AFAP1L2: variants seen among roughly 807,000 people sequenced by gnomAD.
AFAP1L2 encodes the protein actin filament-associated protein 1-like 2.
AFAP1L2 carries 46 observed loss-of-function variants against 99.3 expected under a neutral mutation model. That is an observed-to-expected ratio of 0.46 (90% CI 0.37 to 0.59). AFAP1L2 has a LOEUF of 0.59. Ranked by LOEUF, AFAP1L2 falls within the 20% of genes least tolerant of loss-of-function variation. AFAP1L2 has a pLI of 0.00. For missense variants in AFAP1L2, 959 were observed against 1,034.9 expected (o/e 0.93, Z 1.01); for synonymous variants, 397 against 419.1 (o/e 0.95, Z 0.64).
the AFAP1L2 span, chr10:114,289,215 C>T: frequency 1.9e-6 from 3 of 1,613,798 alleles, no homozygotes; most frequent in African/African-American, 1.3e-5. Flanking sequence ...CCCTGCTGCA[C>T]ATCTATGACA....
the AFAP1L2 span, chr10:114,288,813 G>A: frequency 1.9e-5 from 17 of 896,334 alleles, no homozygotes; most frequent in Non-Finnish European, 2.6e-5. Context: ...CATAGAGGGT[G>A]TATTCTGCAG....
chr10:114,345,805 A>T (rs2049466769), intron 1 of AFAP1L2, among the ~76,000 whole-genome samples: 1 of 152,208 alleles, frequency 6.6e-6, no homozygotes, highest in Non-Finnish European at 1.5e-5. Context: ...ATGAAGAGAA[A>T]GAGTGGACTG....
intron 2 of AFAP1L2, among the ~76,000 whole-genome samples, chr10:114,339,185 G>A (rs1411238982): frequency 1.3e-5 from 2 of 152,344 alleles, no homozygotes; most frequent in East Asian, 1.9e-4. Flanking sequence ...TAGGCCGGGC[G>A]CGGTGGCTCA....
intron 11 of AFAP1L2, among the ~76,000 whole-genome samples, chr10:114,302,877 T>A (rs929304675): frequency 2.0e-5 from 3 of 152,248 alleles, no homozygotes; most frequent in Non-Finnish European, 2.9e-5. Context: ...GACACTTGTA[T>A]TTTATGAACA....
chr10:114,380,114 G>A (rs1308604679), intron 1 of AFAP1L2, among the ~76,000 whole-genome samples: 3 of 152,178 alleles, frequency 2.0e-5, no homozygotes, highest in Non-Finnish European at 2.9e-5. Flanking sequence ...ATTTAGCACT[G>A]GGTGATGACC....
intron 18 of AFAP1L2, 56 bp downstream of exon 18, chr10:114,296,922 C>CCCTA (rs1564766752): frequency 3.1e-6 from 5 of 1,613,020 alleles, no homozygotes; most frequent in Non-Finnish European, 4.2e-6. Flanking sequence ...GAAGATGGGC[C>CCCTA]CCTACCTTAG....
At chr10:114,289,518 C>T in the AFAP1L2 span, 1 of 1,611,032 alleles carries the variant, frequency 6.2e-7, no homozygotes. Context: ...ACCCTCAGGG[C>T]TGCCCCCATG....
chr10:114,294,259 T>A (rs2039865366), downstream of AFAP1L2, among the ~76,000 whole-genome samples: 2 of 152,242 alleles, frequency 1.3e-5, no homozygotes, highest in African/African-American at 4.8e-5. Flanking sequence ...TGTTTTGAAT[T>A]TTTGGTATCA....
At chr10:114,383,855 C>T (rs1388087649) in intron 1 of AFAP1L2, among the ~76,000 whole-genome samples, 1 of 152,212 alleles carries the variant, frequency 6.6e-6, no homozygotes, top group Non-Finnish European at 1.5e-5. Flanking sequence ...GGATTGCCAA[C>T]ACGTAGCCCG....
intron 10 of AFAP1L2, among the ~76,000 whole-genome samples, chr10:114,306,273 G>A (rs1298926462): frequency 9.5e-5 from 13 of 136,916 alleles, no homozygotes; most frequent in African/African-American, 3.3e-4. Flanking sequence ...AGGAGGGGAC[G>A]CAGATGCAGG....
At chr10:114,289,319 C>T in the AFAP1L2 span, 2 of 1,614,112 alleles carry the variant, frequency 1.2e-6, no homozygotes, top group Non-Finnish European at 1.7e-6. Context: ...GCAGCCGTTC[C>T]TGCCCAGAAG....
intron 1 of AFAP1L2, among the ~76,000 whole-genome samples, chr10:114,345,732 T>C (rs943143677): frequency 3.3e-5 from 5 of 152,220 alleles, no homozygotes; most frequent in Non-Finnish European, 5.9e-5. Flanking sequence ...GCCAGGAAAG[T>C]GCATCTGAGT....
chr10:114,313,816 A>G, intron 7 of AFAP1L2, 55 bp downstream of exon 7: 1 of 1,517,164 alleles, frequency 6.6e-7, no homozygotes, highest in Middle Eastern at 2.0e-4. Flanking sequence ...CCCTTTAGAA[A>G]AGCTGGGGGC....
At chr10:114,289,119 G>A in the AFAP1L2 span, 1 of 1,614,076 alleles carries the variant, frequency 6.2e-7, no homozygotes, top group African/African-American at 1.3e-5. Context: ...CTGCCTTCGG[G>A]CTGGACACCA....
chr10:114,305,028 A>T, intron 10 of AFAP1L2, 98 bp from the exon 11 acceptor site: 17 of 37,180 alleles, frequency 4.6e-4, no homozygotes, highest in East Asian at 7.0e-4. Context: ...CAGATGCAGG[A>T]GGGGGCGGGG....
rs2039951277 is a variant in AFAP1L2 at position 114,294,923 on chromosome 10, G to C, written c.*1119C>G. On this transcript the variant is annotated 3_prime_UTR_variant, in exon 19 of 19. Transcript: ENST00000304129. ...TGAGAGAGGAAATAAGAATAAAAAA[G>C]ACATTTAGTTCTCAGGAACAAGTGT... is the stretch of plus-strand genomic sequence containing the variant. 1.0e-6 allele frequency: 1 copy of C among 980,316 alleles called. No individual in the cohort carries two copies. The highest frequency in any genetic ancestry group is 1.8e-5 in the African/African-American group (1 of 56,014). 60.7% of individuals were successfully genotyped at this position (980,316 alleles called of 1,614,324 possible).
At chr10:114,333,079 A>G (rs1032227864) in intron 3 of AFAP1L2, 142 bp downstream of exon 3, 2 of 737,850 alleles carry the variant, frequency 2.7e-6, no homozygotes, top group African/African-American at 3.5e-5. Flanking sequence ...ACGACCAACA[A>G]AAATGTGGCT....
chr10:114,372,970 A>G (rs2054316564), intron 1 of AFAP1L2, among the ~76,000 whole-genome samples: 1 of 152,244 alleles, frequency 6.6e-6, no homozygotes, highest in South Asian at 2.1e-4. Flanking sequence ...TTTACCAGCT[A>G]CGTGGTATTC....
intron 1 of AFAP1L2, among the ~76,000 whole-genome samples, chr10:114,400,792 G>A (rs1212328187): frequency 2.0e-5 from 3 of 152,116 alleles, no homozygotes; most frequent in Non-Finnish European, 4.4e-5. Context: ...CTGTACCCTA[G>A]ACCAATTAAA....
Sources: allele counts gnomAD v4.1 joint callset (sites outside exome capture counted in the v4.1 genomes callset), GRCh38; gene constraint gnomAD v4.1.1; transcripts MANE v1.5; gene names NCBI Gene and HGNC (gene_info 2026-07-23, HGNC 2026-07-21).